Variants in SYNPO2 observed in about 807,000 individuals in gnomAD.
SYNPO2 encodes synaptopodin 2.
SYNPO2 carries 56 observed loss-of-function variants against 85.0 expected under a neutral mutation model. That is an observed-to-expected ratio of 0.66 (90% CI 0.53 to 0.82). The LOEUF (loss-of-function observed/expected upper bound fraction) is 0.82. SYNPO2 is among the 40% of genes least tolerant of loss of function. The pLI, the probability that SYNPO2 is intolerant of heterozygous loss-of-function variation, is 0.00. For synonymous variants in SYNPO2, 602 were observed against 591.1 expected (o/e 1.02, Z -0.27); for missense variants, 1,575 against 1,534.2 (o/e 1.03, Z -0.44).
intron 4 of SYNPO2, chr4:119,037,740 T>G: frequency 1.3e-6 from 1 of 798,424 alleles, no homozygotes; most frequent in Non-Finnish European, 1.5e-6. Flanking sequence ...AGCACAAAAT[T>G]TGGGCCCTGA....
At chr4:118,967,790 A>G (rs1249343510) in intron 1 of SYNPO2, among the ~76,000 whole-genome samples, 1 of 152,140 alleles carries the variant, frequency 6.6e-6, no homozygotes, top group East Asian at 1.9e-4. Flanking sequence ...TTGTAACACC[A>G]GATTCTCTCC....
Position 119,027,293 on chromosome 4 carries a change from G to A in SYNPO2, c.924G>A (p.Val308=). ...GGCTTCAGGCAGGAAAGGAGTGTGT[G>A]GATTCTCCAGTGGAAGGAGGGCAGT... ...GCRLQAGKEC[V]DSPVEGGQSE... is the part of the protein sequence containing the mutation. Residue 308 remains valine (V), a synonymous_variant, in exon 3 of 5, where the codon GTG becomes GTA. Transcript: ENST00000307142. 3 of 1,614,038 alleles carry A rather than the reference G, an allele frequency of 1.9e-6. No individual in the cohort carries two copies. Among genetic ancestry groups the A allele is most frequent in the Non-Finnish European group, 2.5e-6 (3 of 1,180,010 alleles).
At chr4:119,048,781 A>C (rs995384487) in intron 4 of SYNPO2, among the ~76,000 whole-genome samples, 1 of 152,202 alleles carries the variant, frequency 6.6e-6, no homozygotes, top group Non-Finnish European at 1.5e-5. Context: ...GAGGAAGAGA[A>C]CATGAAGAAG....
At chr4:118,889,756 A>G (rs1448330370) in intron 1 of SYNPO2, among the ~76,000 whole-genome samples, 1 of 152,256 alleles carries the variant, frequency 6.6e-6, no homozygotes, top group Non-Finnish European at 1.5e-5. Context: ...TCAAGATCTC[A>G]AAAATAAACT....
chr4:119,047,271 G>C (rs1213693088), intron 4 of SYNPO2, among the ~76,000 whole-genome samples: 5 of 152,172 alleles, frequency 3.3e-5, no homozygotes, highest in Non-Finnish European at 7.3e-5. Context: ...TGTTGGCCAG[G>C]CTGATCATGA....
rs199909539 is a variant in SYNPO2, at chr4:118,888,988, C to T, written c.-49C>T. On this transcript the variant is annotated 5_prime_UTR_variant, in exon 1 of 5. Coordinates refer to ENST00000307142, the MANE Select transcript of SYNPO2 (RefSeq NM_133477.3). ...GTGCGCATCCTCTACCGCACCCAAGCTTCGTCTGTCTCGTCAAGCTCTTCA... is the reference window on the plus strand; with the variant it reads ...GTGCGCATCCTCTACCGCACCCAAGTTTCGTCTGTCTCGTCAAGCTCTTCA... 5 of 1,594,444 alleles carry T rather than the reference C, an allele frequency of 3.1e-6. No homozygotes were observed. The highest frequency in any genetic ancestry group is 3.4e-6 in the Non-Finnish European group (4 of 1,163,436).
intron 1 of SYNPO2, among the ~76,000 whole-genome samples, chr4:118,965,277 A>G (rs1735268232): frequency 6.6e-6 from 1 of 151,998 alleles, no homozygotes; most frequent in African/African-American, 2.4e-5. Context: ...TCCATTTGCC[A>G]GCACCCCCCC....
At chr4:119,032,142 TC>T in intron 4 of SYNPO2, 115 bp downstream of exon 4, 1 of 1,497,918 alleles carries the variant, frequency 6.7e-7, no homozygotes, top group East Asian at 2.5e-5. Context: ...CCTAGCAAAG[TC>T]CTCAACTTAC....
intron 1 of SYNPO2, among the ~76,000 whole-genome samples, chr4:118,880,293 A>G (rs1369728252): frequency 1.3e-5 from 2 of 152,170 alleles, no homozygotes; most frequent in African/African-American, 4.8e-5. Context: ...TATGCTGTGC[A>G]TTCTTGTTAT....
At chr4:118,987,476 C>T (rs1451709823) in intron 1 of SYNPO2, among the ~76,000 whole-genome samples, 1 of 152,134 alleles carries the variant, frequency 6.6e-6, no homozygotes, top group Non-Finnish European at 1.5e-5. Context: ...TTGAGATCAG[C>T]ATGGGCAACA....
intron 1 of SYNPO2, among the ~76,000 whole-genome samples, chr4:118,882,923 C>T (rs764817241): frequency 4.6e-5 from 7 of 152,060 alleles, no homozygotes; most frequent in African/African-American, 4.8e-5. Context: ...CCACCACGCC[C>T]GGCTAATTTT....
At chr4:119,024,053 A>G (rs1049225000) in intron 2 of SYNPO2, among the ~76,000 whole-genome samples, 1 of 152,208 alleles carries the variant, frequency 6.6e-6, no homozygotes, top group African/African-American at 2.4e-5. Context: ...AAGCAGCCGG[A>G]TTTCTCCAGT....
rs746369809 is a variant in SYNPO2, at chr4:118,889,125, C to G, written c.89C>G (p.Pro30Arg). 3.7e-6 allele frequency: 6 copies of G among 1,613,988 alleles called. No individual in the cohort carries two copies. Among genetic ancestry groups the G allele is most frequent in the East Asian group, 2.2e-5 (1 of 44,880 alleles). The change falls in exon 1 of 5, where the codon CCC becomes CGC. Residue 30 changes from proline to arginine, a missense_variant. Transcript: ENST00000307142. ...RLQGGKEQKQPLQVAKIRNQS... is the reference protein window; with the variant it reads ...RLQGGKEQKQRLQVAKIRNQS... ...CAAGGTGGCAAGGAGCAGAAGCAGC[C>G]CTTACAAGTTGCAAAGGTAGGACCT...
chr4:118,858,822 T>C (rs1490243952), intron 1 of SYNPO2, among the ~76,000 whole-genome samples: 2 of 152,244 alleles, frequency 1.3e-5, no homozygotes, highest in Non-Finnish European at 2.9e-5. Flanking sequence ...GGTGTCCTTA[T>C]TTTAGCCTAA....
intron 1 of SYNPO2, among the ~76,000 whole-genome samples, chr4:119,018,776 T>C (rs1282431379): frequency 6.6e-6 from 1 of 152,158 alleles, no homozygotes; most frequent in East Asian, 1.9e-4. Context: ...AATAATTTAT[T>C]GTATACTTCA....
At chr4:119,032,751 G>T in intron 4 of SYNPO2, 1 of 894,904 alleles carries the variant, frequency 1.1e-6, no homozygotes, top group South Asian at 5.1e-5. Flanking sequence ...CGGGTATGGT[G>T]GTTCATGCCT....
chr4:118,874,527 G>A (rs1560810649), intron 1 of SYNPO2, among the ~76,000 whole-genome samples: 1 of 152,192 alleles, frequency 6.6e-6, no homozygotes, highest in Non-Finnish European at 1.5e-5. Context: ...CTGTGCATCT[G>A]ATATATCTGA....
chr4:118,927,914 G>A (rs1733793971), intron 1 of SYNPO2, among the ~76,000 whole-genome samples: 1 of 138,344 alleles, frequency 7.2e-6, no homozygotes, highest in South Asian at 2.3e-4. Context: ...AGGAAACTGT[G>A]TTGATCTACA....
rs1253396986 is a variant in SYNPO2, at chr4:119,031,689, C to T, written c.2914C>T (p.Leu972Phe). The T allele has an allele frequency of 6.2e-7, 1 of 1,614,090 alleles. No individual in the cohort carries two copies. The highest frequency in any genetic ancestry group is 1.3e-5 in the African/African-American group (1 of 74,918). ...TGTCATGAAGCACCAACCGTATCAG[C>T]TCAATGCATCCTTGTTTACTTTCCA... ...LDVMKHQPYQLNASLFTFQPP... is the reference protein window; with the variant it reads ...LDVMKHQPYQFNASLFTFQPP... Residue 972 changes from leucine to phenylalanine, a missense_variant, in exon 4 of 5, where the codon CTC becomes TTC. Leu to Phe is a conservative substitution (Grantham distance 22). This residue lies in a region of SYNPO2 where 1,508 missense variants were observed against 1,446.8 expected (regional missense o/e 1.04). Transcript: ENST00000307142.
Sources: allele counts gnomAD v4.1 joint callset (sites outside exome capture counted in the v4.1 genomes callset), GRCh38; gene constraint gnomAD v4.1.1; regional missense constraint gnomAD v4.1.1; transcripts MANE v1.5; gene names NCBI Gene and HGNC (gene_info 2026-07-23, HGNC 2026-07-21).